The following GALNTL6 variants were observed in gnomAD, a reference collection of about 807,000 sequenced individuals.
GALNTL6 encodes the protein polypeptide N-acetylgalactosaminyltransferase like 6, also known as polypeptide N-acetylgalactosaminyltransferase-like 6.
Under a neutral mutation model 73.7 loss-of-function variants are expected in GALNTL6, and 46 were observed. The observed-to-expected ratio is 0.62, with a 90% CI of 0.49 to 0.80. The LOEUF (loss-of-function observed/expected upper bound fraction) is 0.80. Ranked by LOEUF, GALNTL6 falls within the 30% of genes least tolerant of loss-of-function variation. The pLI is 0.00. For missense variants in GALNTL6, 604 were observed against 755.0 expected (o/e 0.80, Z 2.34); for synonymous variants, 259 against 263.7 (o/e 0.98, Z 0.17).
At chr4:172,004,709 G>A (rs1285874017) in intron 2 of GALNTL6, among the ~76,000 whole-genome samples, 1 of 151,760 alleles carries the variant, frequency 6.6e-6, no homozygotes, top group African/African-American at 2.4e-5. Flanking sequence ...TAAAACTTTA[G>A]GAGTAGCAAA....
At chr4:172,047,046 A>G (rs1240634842) in intron 2 of GALNTL6, among the ~76,000 whole-genome samples, 1 of 152,146 alleles carries the variant, frequency 6.6e-6, no homozygotes, top group African/African-American at 2.4e-5. Flanking sequence ...ACTCCCATTC[A>G]TTCTTATGAA....
chr4:172,131,230 C>T (rs957235804), intron 2 of GALNTL6, among the ~76,000 whole-genome samples: 13 of 151,506 alleles, frequency 8.6e-5, no homozygotes, highest in African/African-American at 3.1e-4. Flanking sequence ...ACTGGGGCAT[C>T]ATTTAAAACA....
intron 8 of GALNTL6, among the ~76,000 whole-genome samples, chr4:172,887,074 A>G (rs1404666325): frequency 1.3e-5 from 2 of 152,038 alleles, no homozygotes; most frequent in African/African-American, 4.8e-5. Flanking sequence ...ATAAGTGAAA[A>G]CATGTGGTAT....
At chr4:173,035,180 C>CTT (rs5864181) in intron 12 of GALNTL6, among the ~76,000 whole-genome samples, 3,732 of 136,584 alleles carry the variant, frequency 0.027, 93 homozygotes, top group Non-Finnish European at 0.032. Flanking sequence ...GTGCCATGCT[C>CTT]TTTTTTTTTT....
At chr4:172,750,727 CAT>C (rs1273525062) in intron 5 of GALNTL6, among the ~76,000 whole-genome samples, 2 of 152,182 alleles carry the variant, frequency 1.3e-5, no homozygotes, top group Non-Finnish European at 2.9e-5. Flanking sequence ...CAAGGTCAAA[CAT>C]ATTTTGGAAA....
intron 2 of GALNTL6, among the ~76,000 whole-genome samples, chr4:172,176,523 T>C (rs534796303): frequency 6.6e-6 from 1 of 151,902 alleles, no homozygotes; most frequent in Non-Finnish European, 1.5e-5. Flanking sequence ...ACCATGATGC[T>C]TCCTGCCTCT....
chr4:172,798,016 A>G (rs1740378121), intron 5 of GALNTL6, among the ~76,000 whole-genome samples: 2 of 152,172 alleles, frequency 1.3e-5, no homozygotes, highest in African/African-American at 4.8e-5. Context: ...GGTGGGTTCT[A>G]TGCAGCTTGG....
At chr4:172,432,033 T>C (rs1306365707) in intron 5 of GALNTL6, among the ~76,000 whole-genome samples, 3 of 152,106 alleles carry the variant, frequency 2.0e-5, no homozygotes, top group East Asian at 1.9e-4. Context: ...ATTTTACTAA[T>C]AAAAGTGTGA....
intron 2 of GALNTL6, among the ~76,000 whole-genome samples, chr4:171,961,526 T>C (rs1354383558): frequency 6.6e-6 from 1 of 152,192 alleles, no homozygotes; most frequent in Non-Finnish European, 1.5e-5. Context: ...TAATTATTCT[T>C]GCTGCACTTT....
At chr4:171,886,710 T>A (rs1736618854) in intron 2 of GALNTL6, among the ~76,000 whole-genome samples, 1 of 152,096 alleles carries the variant, frequency 6.6e-6, no homozygotes, top group Admixed American at 6.5e-5. Flanking sequence ...GTCAAGGAAG[T>A]TTGTGATGGT....
chr4:172,288,257 A>AT (rs1419136252), intron 3 of GALNTL6, among the ~76,000 whole-genome samples: 2 of 151,680 alleles, frequency 1.3e-5, no homozygotes, highest in Non-Finnish European at 2.9e-5. Context: ...CGCCCAGCTA[A>AT]TTTTTTTGTA....
chr4:172,478,099 A>T (rs184071447), intron 5 of GALNTL6, among the ~76,000 whole-genome samples: 188 of 152,276 alleles, frequency 1.2e-3, no homozygotes, highest in Non-Finnish European at 2.4e-3. Flanking sequence ...CATTACTACA[A>T]TCTACAGATT....
At chr4:172,404,077 T>C (rs1293177034) in intron 5 of GALNTL6, among the ~76,000 whole-genome samples, 14 of 151,488 alleles carry the variant, frequency 9.2e-5, no homozygotes, top group Admixed American at 2.6e-4. Flanking sequence ...CTTTCATTTA[T>C]TTCTCTTTCT....
chr4:172,741,724 C>T (rs1736817553), intron 5 of GALNTL6, among the ~76,000 whole-genome samples: 1 of 151,876 alleles, frequency 6.6e-6, no homozygotes, highest in African/African-American at 2.4e-5. Flanking sequence ...TTAGGCTTCT[C>T]AGCATCCATG....
At chr4:172,316,548 G>A (rs1450893267) in intron 4 of GALNTL6, among the ~76,000 whole-genome samples, 3 of 152,098 alleles carry the variant, frequency 2.0e-5, no homozygotes, top group African/African-American at 7.2e-5. Context: ...TCCATTGCTT[G>A]TCAAAGCCAT....
chr4:171,860,923 A>G (rs776903346), intron 2 of GALNTL6, among the ~76,000 whole-genome samples: 42 of 152,196 alleles, frequency 2.8e-4, no homozygotes, highest in Non-Finnish European at 4.1e-4. Context: ...CTTCCAGAAT[A>G]GAACAACCTC....
intron 8 of GALNTL6, among the ~76,000 whole-genome samples, chr4:172,891,990 C>T (rs1746056933): frequency 6.6e-6 from 1 of 152,088 alleles, no homozygotes; most frequent in South Asian, 2.1e-4. Flanking sequence ...CTTAATATGG[C>T]CATGTCATTG....
intron 5 of GALNTL6, among the ~76,000 whole-genome samples, chr4:172,613,489 C>T (rs1050131727): frequency 5.9e-5 from 9 of 151,838 alleles, no homozygotes; most frequent in Non-Finnish European, 8.8e-5. Flanking sequence ...TAGGCAGAGA[C>T]TGGGACTTTA....
chr4:172,433,500 C>T (rs775917372), intron 5 of GALNTL6, among the ~76,000 whole-genome samples: 3 of 45,084 alleles, frequency 6.7e-5, no homozygotes, highest in Non-Finnish European at 1.6e-4. Flanking sequence ...CAGAGATTTG[C>T]GAAGATGATC....
Sources: allele counts gnomAD v4.1 joint callset (sites outside exome capture counted in the v4.1 genomes callset), GRCh38; gene constraint gnomAD v4.1.1; transcripts MANE v1.5; gene names NCBI Gene and HGNC (gene_info 2026-07-23, HGNC 2026-07-21).